Variants in NUP214 observed in about 807,000 individuals in gnomAD.
NUP214 encodes the protein nucleoporin 214, also known as nuclear pore complex protein Nup214.
Under a neutral mutation model 196.2 loss-of-function variants are expected in NUP214, and 79 were observed. The ratio of observed to expected loss-of-function variants is 0.40; its 90% CI spans 0.34 to 0.49. The LOEUF (loss-of-function observed/expected upper bound fraction) is 0.49, where lower values mean the gene tolerates loss of function less well. Ranked by LOEUF, NUP214 falls within the 20% of genes least tolerant of loss-of-function variation. NUP214 has a pLI of 0.58. For synonymous variants in NUP214, 1,020 were observed against 990.5 expected (o/e 1.03, Z -0.56); for missense variants, 2,468 against 2,539.0 (o/e 0.97, Z 0.60).
In NUP214 at chr9:131,125,616, G is replaced by C; in HGVS notation, c.-89G>C. On this transcript the variant is annotated 5_prime_UTR_variant, in exon 1 of 36. Transcript: ENST00000359428. The surrounding 1 kb of genome is among the most constrained non-coding windows in gnomAD (Gnocchi z 4.1). ...CAACTGCGCGCCGCTGGCGCTGAGGGGAGGAAGTTTGCTGTCGAGCGGCCT... is the reference window on the plus strand; with the variant it reads ...CAACTGCGCGCCGCTGGCGCTGAGGCGAGGAAGTTTGCTGTCGAGCGGCCT... 6.5e-7 allele frequency: 1 copy of C among 1,537,782 alleles called. No individual in the cohort carries two copies. The highest frequency in any genetic ancestry group is 8.8e-7 in the Non-Finnish European group (1 of 1,140,360).
intron 24 of NUP214, among the ~76,000 whole-genome samples, chr9:131,184,724 G>A (rs1393673130): frequency 2.6e-5 from 4 of 152,146 alleles, no homozygotes; most frequent in African/African-American, 9.7e-5. Flanking sequence ...AAACATTCAT[G>A]CAGGAAATAC....
At position 131,128,469 on chromosome 9, in the gene NUP214, A is replaced by T. The variant is rs773565401; in HGVS notation, c.379A>T (p.Thr127Ser). Residue 127 changes from threonine to serine, a missense_variant, in exon 3 of 36, where the codon ACA becomes TCA. By Grantham distance (58) the Thr-to-Ser change is moderately conservative. Transcript: ENST00000359428. Reference protein sequence around the residue: ...GSIIAFFDVRTFSNEAKQQKR... With the variant: ...GSIIAFFDVRSFSNEAKQQKR... ...CATTATTGCTTTTTTTGATGTTCGCACATTCTCAAATGAGGTAAGCTACTG... is the reference window on the plus strand; with the variant it reads ...CATTATTGCTTTTTTTGATGTTCGCTCATTCTCAAATGAGGTAAGCTACTG... The T allele has an allele frequency of 6.2e-7, 1 of 1,612,690 alleles. No individual in the cohort carries two copies. Among genetic ancestry groups the T allele is most frequent in the Non-Finnish European group, 8.5e-7 (1 of 1,179,142 alleles).
intron 1 of NUP214, chr9:131,126,515 A>G (rs1349963437): frequency 6.6e-6 from 1 of 151,888 alleles, no homozygotes; most frequent in African/African-American, 2.4e-5. Context: ...ACTAAAATGC[A>G]TTTAGGGCAT....
At chr9:131,222,993 T>G in intron 32 of NUP214, 63 bp downstream of exon 32, 1 of 1,517,732 alleles carries the variant, frequency 6.6e-7, no homozygotes, top group Non-Finnish European at 9.0e-7. Flanking sequence ...CATAGATATC[T>G]GGAAGGAGAC....
chr9:131,159,823 C>T (rs1832576399), intron 18 of NUP214, among the ~76,000 whole-genome samples: 1 of 151,410 alleles, frequency 6.6e-6, no homozygotes, highest in South Asian at 2.1e-4. Flanking sequence ...TGCCACTGCC[C>T]TCCAGCCTGG....
chr9:131,130,092 G>A (rs916929970), intron 4 of NUP214, among the ~76,000 whole-genome samples: 2 of 148,330 alleles, frequency 1.3e-5, no homozygotes, highest in African/African-American at 5.0e-5. Flanking sequence ...GGGCGGAAAA[G>A]CATTTTAAAT....
At chr9:131,143,008 A>G (rs1831968677) in intron 11 of NUP214, among the ~76,000 whole-genome samples, 1 of 152,176 alleles carries the variant, frequency 6.6e-6, no homozygotes, top group Non-Finnish European at 1.5e-5. Context: ...AATAGAAAAA[A>G]AAATTATTCA....
intron 33 of NUP214, chr9:131,228,547 T>C (rs918330763): frequency 6.7e-6 from 3 of 450,232 alleles, no homozygotes; most frequent in Non-Finnish European, 1.2e-5. Context: ...CTCAGCTGTG[T>C]TGCTGTTCCC....
At position 131,159,465 on chromosome 9, in the gene NUP214, T is replaced by C. The variant is rs756854975; in HGVS notation, c.2519T>C (p.Leu840Pro). ...DVLDLEWDQH[L>P]EQKKKQRHLL... is the part of the protein sequence containing the mutation. ...CTAGACTTGGAGTGGGATCAGCATCTGGAACAAAAGAAAAAACAAAGGTGA... is the reference window on the plus strand; with the variant it reads ...CTAGACTTGGAGTGGGATCAGCATCCGGAACAAAAGAAAAAACAAAGGTGA... Residue 840 changes from leucine (L) to proline (P), a missense_variant, in exon 18 of 36, where the codon CTG becomes CCG. This residue lies in a region of NUP214 where 1,801 missense variants were observed against 1,779.4 expected (regional missense o/e 1.01). Transcript: ENST00000359428. The C allele has an allele frequency of 3.1e-6, 5 of 1,613,620 alleles. No homozygotes were observed. The African/African-American group carries it at 5.3e-5, about 17-fold the overall frequency.
Position 131,174,067 on chromosome 9 carries a change from G to A in NUP214, c.2906G>A (p.Arg969Gln), listed in dbSNP as rs1412394817. The A allele has an allele frequency of 1.2e-6, 2 of 1,612,342 alleles. No homozygotes were observed. The highest frequency in any genetic ancestry group is 1.1e-5 in the South Asian group (1 of 90,696). Residue 969 changes from arginine to glutamine, a missense_variant, in exon 22 of 36, where the codon CGA becomes CAA. Physicochemically the swap from Arg to Gln is conservative, Grantham distance 43. Transcript: ENST00000359428. ...VRSTAPASLS[R>Q]SAFLSQRYYE... The stretch of plus-strand genomic sequence containing the variant: ...GGGGCTTTTGTAGCCAGCCTGTCTC[G>A]ATCAGCCTTTCTGTCTCAGAGATAT...
chr9:131,206,831 A>T (rs1834101211), intron 30 of NUP214, among the ~76,000 whole-genome samples: 1 of 152,262 alleles, frequency 6.6e-6, no homozygotes, highest in African/African-American at 2.4e-5. Flanking sequence ...CCAAAGAAAT[A>T]GAAAACATCA....
intron 32 of NUP214, among the ~76,000 whole-genome samples, chr9:131,227,481 T>A (rs1186526840): frequency 1.3e-4 from 18 of 141,262 alleles, no homozygotes; most frequent in African/African-American, 2.3e-4. Flanking sequence ...AAAAAGCATT[T>A]AAAAAAAAAA....
In NUP214 at chr9:131,142,358, C is replaced by T. The variant is rs978720475; in HGVS notation, c.1294+1648C>T. ...CTAGAGAAACTCCCCTCTTCCTTCA[C>T]AGTTGGTCCAGAGGTTATAGTTGTG... is the stretch of plus-strand genomic sequence containing the variant. On this transcript the variant is annotated intron_variant, in intron 11 of 35. Transcript: ENST00000359428. Among the ~76,000 whole-genome samples, 3 of 152,230 alleles carry T rather than the reference C, an allele frequency of 2.0e-5. No homozygotes were observed. The East Asian group carries it at 5.8e-4, about 29-fold the overall frequency.
intron 28 of NUP214, among the ~76,000 whole-genome samples, chr9:131,196,263 A>T (rs1351184447): frequency 6.6e-6 from 1 of 151,814 alleles, no homozygotes; most frequent in Admixed American, 6.6e-5. Context: ...GGTTCCAGCG[A>T]TTCTCCTGCC....
chr9:131,201,750 A>G (rs1484868593), intron 30 of NUP214, 33 bp downstream of exon 30: 3 of 1,562,398 alleles, frequency 1.9e-6, no homozygotes, highest in Non-Finnish European at 2.6e-6. Flanking sequence ...TCACGTCAAC[A>G]TGTATCAAAC....
Position 131,129,262 on chromosome 9 carries a change from C to A in NUP214, c.394-17C>A. ...TATTTGTTAACTTATTTCACTTTTG[C>A]ATATTTGTTTTAAAAGGCTAAACAG... On this transcript the variant is annotated splice_polypyrimidine_tract_variant and intron_variant, in intron 3 of 35. Coordinates refer to ENST00000359428, the MANE Select transcript of NUP214 (RefSeq NM_005085.4). 1 of 1,606,454 alleles carries A rather than the reference C, an allele frequency of 6.2e-7. No homozygotes were observed. Among genetic ancestry groups the A allele is most frequent in the South Asian group, 1.1e-5 (1 of 90,602 alleles).
Position 131,163,975 on chromosome 9 carries a change from T to A in NUP214, c.2809+20T>A. ...TACCAGGTAATTGCATCCTTCCCAG[T>A]CTTTTAACTCCCTTTATTCTCTTCC... On this transcript the variant is annotated intron_variant, in intron 20 of 35. Transcript: ENST00000359428. 1 of 1,612,812 alleles carries A rather than the reference T, an allele frequency of 6.2e-7. No homozygotes were observed. Among genetic ancestry groups the A allele is most frequent in the South Asian group, 1.1e-5 (1 of 91,044 alleles).
In NUP214 at chr9:131,129,390, C is replaced by G; in HGVS notation, c.505C>G (p.Leu169Val). Reference sequence around the variant, plus strand: ...TGTCCCCTCCATGGTGGCAGTTTGTCTGGCTGATGGTAGTATTGCTGTCCT... The same window carrying G: ...TGTCCCCTCCATGGTGGCAGTTTGTGTGGCTGATGGTAGTATTGCTGTCCT... ...PTVPSMVAVC[L>V]ADGSIAVLQV... is the part of the protein sequence containing the mutation. Residue 169 changes from leucine (L) to valine (V), a missense_variant, in exon 4 of 36, where the codon CTG becomes GTG. Physicochemically the swap from Leu to Val is conservative, Grantham distance 32. Coordinates refer to ENST00000359428, the MANE Select transcript of NUP214 (RefSeq NM_005085.4). 6.2e-7 allele frequency: 1 copy of G among 1,614,182 alleles called. No individual in the cohort carries two copies. Among genetic ancestry groups the G allele is most frequent in the Non-Finnish European group, 8.5e-7 (1 of 1,180,028 alleles).
chr9:131,197,547 G>A lies in NUP214; in HGVS notation c.4053G>A (p.Lys1351=), dbSNP rs141018139. 226 of 1,614,048 alleles carry A rather than the reference G, an allele frequency of 1.4e-4. 2 individuals carry two copies. Among genetic ancestry groups the A allele is most frequent in the Non-Finnish European group, 3.0e-5 (35 of 1,180,018 alleles). Residue 1351 remains lysine (K), a synonymous_variant, in exon 29 of 36, where the codon AAG becomes AAA. Transcript: ENST00000359428. The part of the protein sequence containing the change: ...QADDSTKPTN[K]ASSTSLTSTQ... ...ATGATTCTACAAAACCAACCAATAA[G>A]GCTTCATCCACAAGCCTAACTAGTA...
Sources: gnomAD v4.1 joint callset for allele counts (sites outside exome capture counted in the v4.1 genomes callset) on GRCh38, gnomAD v4.1.1 for gene constraint, gnomAD v4.1.1 regional missense constraint, Gnocchi (gnomAD v3.1) non-coding constraint, MANE v1.5 for transcripts, NCBI Gene and HGNC (gene_info 2026-07-23, HGNC 2026-07-21) for gene names.